KLRG1: variants seen among roughly 807,000 people sequenced by gnomAD.
KLRG1 encodes killer cell lectin-like receptor subfamily G member 1.
In KLRG1, 16 loss-of-function variants were observed where a neutral mutation model predicts 21.8. The ratio of observed to expected loss-of-function variants is 0.73; its 90% CI spans 0.50 to 1.11. The LOEUF is 1.11. Ranked by LOEUF, KLRG1 falls within the 50% of genes most tolerant of loss-of-function variation. The pLI is 0.00. For synonymous variants in KLRG1, 69 were observed against 75.9 expected (o/e 0.91, Z 0.47); for missense variants, 173 against 218.3 (o/e 0.79, Z 1.31).
the KLRG1 span, among the ~76,000 whole-genome samples, chr12:9,054,888 C>A: frequency 6.6e-6 from 1 of 152,288 alleles, no homozygotes; most frequent in Non-Finnish European, 1.5e-5. Flanking sequence ...CTCACTGGAA[C>A]ATTCTGGGTT....
At chr12:9,061,469 C>T in the KLRG1 span, among the ~76,000 whole-genome samples, 10 of 152,126 alleles carry the variant, frequency 6.6e-5, no homozygotes, top group African/African-American at 2.4e-4. Context: ...ACCAGAAAGA[C>T]TTTTCTTTAG....
At chr12:8,998,239 G>A (rs1016114884) in intron 3 of KLRG1, among the ~76,000 whole-genome samples, 4 of 152,018 alleles carry the variant, frequency 2.6e-5, no homozygotes, top group African/African-American at 7.3e-5. Flanking sequence ...TAAGGCACCT[G>A]AATCGTTTGA....
the KLRG1 span, among the ~76,000 whole-genome samples, chr12:9,155,298 T>G: frequency 2.0e-5 from 3 of 152,098 alleles, no homozygotes; most frequent in Non-Finnish European, 2.9e-5. Flanking sequence ...TTTTCTTTCT[T>G]TTTTTTTCTC....
At chr12:8,993,498 C>T (rs1266769602) in intron 2 of KLRG1, among the ~76,000 whole-genome samples, 2 of 151,994 alleles carry the variant, frequency 1.3e-5, no homozygotes, top group African/African-American at 2.4e-5. Flanking sequence ...CTATGTTGGC[C>T]AGGCTGGTCT....
the KLRG1 span, chr12:9,106,486 C>T: frequency 6.4e-7 from 1 of 1,574,698 alleles, no homozygotes; most frequent in Admixed American, 1.8e-5. Flanking sequence ...ATGTAGTACA[C>T]AAACCTGTTC....
the KLRG1 span, among the ~76,000 whole-genome samples, chr12:9,046,476 C>T: frequency 2.3e-4 from 35 of 152,176 alleles, 1 homozygote; most frequent in East Asian, 6.6e-3. Context: ...TGCAGAAAGT[C>T]AAAGACAAAT....
chr12:9,150,959 C>T, the KLRG1 span, among the ~76,000 whole-genome samples: 1 of 152,214 alleles, frequency 6.6e-6, no homozygotes, highest in East Asian at 1.9e-4. Flanking sequence ...ACAACTGAGC[C>T]AACCCTATTC....
chr12:9,101,700 T>C, the KLRG1 span: 1 of 1,516,216 alleles, frequency 6.6e-7, no homozygotes, highest in Non-Finnish European at 9.0e-7. Flanking sequence ...AATTATATTA[T>C]TTTTAGATTA....
At chr12:9,069,091 G>T in the KLRG1 span, 1 of 309,902 alleles carries the variant, frequency 3.2e-6, no homozygotes, top group Non-Finnish European at 5.9e-6. Context: ...GGGGGTAAAT[G>T]ATATATACTT....
chr12:9,093,543 A>G, the KLRG1 span: 2 of 1,612,452 alleles, frequency 1.2e-6, no homozygotes, highest in Non-Finnish European at 1.7e-6. Context: ...TTCAACATGC[A>G]CCAGGCGTGC....
At chr12:9,000,278 G>A (rs1947266837) in intron 3 of KLRG1, among the ~76,000 whole-genome samples, 1 of 152,190 alleles carries the variant, frequency 6.6e-6, no homozygotes, top group Non-Finnish European at 1.5e-5. Context: ...GGTCTTCACA[G>A]TCTGGTAATG....
At chr12:9,164,391 A>G in the KLRG1 span, 1 of 971,854 alleles carries the variant, frequency 1.0e-6, no homozygotes, top group South Asian at 1.8e-5. Flanking sequence ...ACATAGATTC[A>G]TCCATGCTTT....
the KLRG1 span, chr12:9,135,561 T>C: frequency 5.9e-6 from 2 of 341,024 alleles, no homozygotes; most frequent in South Asian, 5.8e-5. Flanking sequence ...GAACCAGCCC[T>C]TCCAAAAACT....
chr12:9,152,175 G>T, the KLRG1 span: 1 of 1,339,480 alleles, frequency 7.5e-7, no homozygotes, highest in Non-Finnish European at 1.1e-6. Flanking sequence ...TGGGGATACA[G>T]AACATACTTT....
the KLRG1 span, chr12:9,101,772 T>A: frequency 1.1e-6 from 1 of 933,768 alleles, no homozygotes; most frequent in Non-Finnish European, 1.6e-6. Context: ...CCTTAACTAG[T>A]AGCTAGAAAT....
At chr12:9,110,993 T>A in the KLRG1 span, among the ~76,000 whole-genome samples, 2 of 152,186 alleles carry the variant, frequency 1.3e-5, 1 homozygote, top group Non-Finnish European at 2.9e-5. Context: ...TAAACACTTA[T>A]GTAACTATAA....
At chr12:8,973,993 T>C (rs1045002298) in intron 1 of KLRG1, among the ~76,000 whole-genome samples, 5 of 152,176 alleles carry the variant, frequency 3.3e-5, no homozygotes, top group Admixed American at 3.3e-4. Flanking sequence ...TGCAAATAGC[T>C]ATAGTTTTAC....
the KLRG1 span, chr12:9,200,892 C>T: frequency 1.2e-6 from 2 of 1,610,902 alleles, no homozygotes; most frequent in Non-Finnish European, 1.7e-6. Flanking sequence ...TAATCCATAC[C>T]AAATTCCTCC....
chr12:9,198,761 A>G, the KLRG1 span, among the ~76,000 whole-genome samples: 5 of 152,214 alleles, frequency 3.3e-5, no homozygotes, highest in African/African-American at 1.2e-4. Flanking sequence ...TCAAATAAAA[A>G]GATAGAATCA....
Sources: gnomAD v4.1 joint callset for allele counts (sites outside exome capture counted in the v4.1 genomes callset) on GRCh38, gnomAD v4.1.1 for gene constraint, MANE v1.5 for transcripts, NCBI Gene and HGNC (gene_info 2026-07-23, HGNC 2026-07-21) for gene names.